Variants in SPAG9 observed in about 807,000 individuals in gnomAD.
SPAG9 encodes the protein sperm associated antigen 9, also known as C-Jun-amino-terminal kinase-interacting protein 4.
In SPAG9, 35 loss-of-function variants were observed where a neutral mutation model predicts 166.5. That is an observed-to-expected ratio of 0.21 (90% CI 0.16 to 0.28). The LOEUF (loss-of-function observed/expected upper bound fraction) is 0.28. Among genes scored for constraint, SPAG9 ranks in the 10% least tolerant of loss-of-function variants. The probability of loss-of-function intolerance (pLI) is 1.00; values close to 1 mark genes in which losing one functional copy is unlikely to be tolerated. For synonymous variants in SPAG9, 534 were observed against 565.5 expected, an observed-to-expected ratio of 0.94 and a Z score of 0.79; for missense variants, 1,235 against 1,603.3, an observed-to-expected ratio of 0.77 and a Z score of 3.92.
At chr17:51,065,771 A>G (rs1395512699) in intron 2 of SPAG9, among the ~76,000 whole-genome samples, 1 of 152,154 alleles carries the variant, frequency 6.6e-6, no homozygotes, top group Non-Finnish European at 1.5e-5. Context: ...AGTAAAAGTG[A>G]TGTGTGCTAC....
chr17:51,109,885 T>C (rs1270666534), intron 1 of SPAG9, among the ~76,000 whole-genome samples: 1 of 152,004 alleles, frequency 6.6e-6, no homozygotes, highest in African/African-American at 2.4e-5. Context: ...CTAATTTTTA[T>C]ATTTTTTGTA....
At chr17:51,012,719 ATACT>A (rs1271264642) in intron 9 of SPAG9, among the ~76,000 whole-genome samples, 2 of 144,172 alleles carry the variant, frequency 1.4e-5, no homozygotes, top group African/African-American at 5.4e-5. Context: ...CTCTTACTAG[ATACT>A]TTATTTATTT....
Position 51,033,543 on chromosome 17 carries a change from G to T in SPAG9, c.742-1821C>A, listed in dbSNP as rs115393508. 1.2e-3 allele frequency among the ~76,000 whole-genome samples: 185 copies of T among 152,248 alleles called. 1 individual carries two copies. The highest frequency in any genetic ancestry group is 4.3e-3 in the African/African-American group (177 of 41,556). ...AATTAATATAATTTTTTAGACACAGGATCTTGCGATATTGCCCAGGCTGAA... is the reference window on the plus strand; with the variant it reads ...AATTAATATAATTTTTTAGACACAGTATCTTGCGATATTGCCCAGGCTGAA... On this transcript the variant is annotated intron_variant, in intron 5 of 29. Coordinates refer to ENST00000262013, the MANE Select transcript of SPAG9 (RefSeq NM_001130528.3).
rs991169803 is a variant in SPAG9 at position 50,974,651 on chromosome 17, G to A, written c.3700+120C>T. On this transcript the variant is annotated intron_variant, in intron 28 of 29. Transcript: ENST00000262013. ...ACACCTCCATTACAGAACTTCCTTC[G>A]TATATATTGAAATTACCTGCAATTC... 18 of 808,610 alleles carry A rather than the reference G, an allele frequency of 2.2e-5. 1 individual carries two copies. Among genetic ancestry groups the A allele is most frequent in the East Asian group, 6.1e-5 (2 of 32,628 alleles). The allele number at this position is 808,610 out of a possible 1,614,324, so 50.1% of individuals were successfully genotyped here. A position where few individuals can be genotyped will look rare whatever the true frequency, so the allele number is the denominator to read the frequency against.
intron 2 of SPAG9, among the ~76,000 whole-genome samples, chr17:51,061,520 G>T (rs575208928): frequency 2.9e-5 from 4 of 137,598 alleles, no homozygotes; most frequent in African/African-American, 1.1e-4. Context: ...TGAGGCAGGA[G>T]AATCACTTTA....
intron 10 of SPAG9, 98 bp downstream of exon 10, chr17:51,007,171 G>C (rs906759835): frequency 1.4e-5 from 9 of 640,274 alleles, no homozygotes; most frequent in Middle Eastern, 2.8e-4. Flanking sequence ...AGATGGGACA[G>C]GGAGATTCCA....
chr17:50,976,990 A>G (rs2087124178), intron 27 of SPAG9, 118 bp downstream of exon 27: 2 of 652,728 alleles, frequency 3.1e-6, no homozygotes. Flanking sequence ...TGAAGTAACT[A>G]TAGCTAGATC....
intron 1 of SPAG9, among the ~76,000 whole-genome samples, chr17:51,089,523 C>G (rs981293193): frequency 8.8e-5 from 13 of 147,770 alleles, no homozygotes; most frequent in Non-Finnish European, 1.5e-4. Context: ...CCAAAAACTA[C>G]CTGTTCCCCA....
chr17:51,104,598 T>C (rs1053678565), intron 1 of SPAG9, among the ~76,000 whole-genome samples: 1 of 151,944 alleles, frequency 6.6e-6, no homozygotes, highest in African/African-American at 2.4e-5. Flanking sequence ...TTCACACCAT[T>C]GCACTCCAGC....
chr17:51,081,266 C>A (rs1406172995), intron 1 of SPAG9, among the ~76,000 whole-genome samples: 1 of 152,140 alleles, frequency 6.6e-6, no homozygotes. Flanking sequence ...GCCTGTCCAA[C>A]ATGGTGAAAT....
rs933457008 is a variant in SPAG9, at chr17:50,963,764, G to A, written c.*2508C>T. 1.3e-5 allele frequency: 2 copies of A among 152,108 alleles called. No individual in the cohort carries two copies. The highest frequency in any genetic ancestry group is 1.3e-4 in the Admixed American group (2 of 15,268). 9.4% of individuals were successfully genotyped at this position (152,108 alleles called of 1,614,324 possible). A position where few individuals can be genotyped will look rare whatever the true frequency, so the allele number is the denominator to read the frequency against. ...CCAAACACTTTGGTGTCTCTTTCTT[G>A]TGAATCTATACAACATTTCCAATAA... On this transcript the variant is annotated 3_prime_UTR_variant, in exon 30 of 30. Coordinates refer to ENST00000262013, the MANE Select transcript of SPAG9 (RefSeq NM_001130528.3).
intron 5 of SPAG9, among the ~76,000 whole-genome samples, chr17:51,037,955 C>T (rs1291966861): frequency 2.0e-5 from 3 of 151,862 alleles, no homozygotes; most frequent in African/African-American, 4.8e-5. Flanking sequence ...AGAAGTCCCC[C>T]GGTACGAAAT....
chr17:50,964,805 T>A lies in SPAG9; in HGVS notation c.*1467A>T. The A allele has an allele frequency of 2.4e-6, 1 of 418,002 alleles. No homozygotes were observed. The highest frequency in any genetic ancestry group is 4.8e-6 in the Non-Finnish European group (1 of 207,340). The allele number at this position is 418,002 out of a possible 1,614,324, so 25.9% of individuals were successfully genotyped here. Reference sequence around the variant, plus strand: ...TCTTGCTCCGTCACCCAGGCTGGAGTGCAGTGGTGCTATCAAGGCTCACTG... The same window carrying A: ...TCTTGCTCCGTCACCCAGGCTGGAGAGCAGTGGTGCTATCAAGGCTCACTG... On this transcript the variant is annotated 3_prime_UTR_variant, in exon 30 of 30. Coordinates refer to ENST00000262013, the MANE Select transcript of SPAG9 (RefSeq NM_001130528.3).
intron 4 of SPAG9, among the ~76,000 whole-genome samples, chr17:51,046,104 G>A (rs759706651): frequency 5.3e-5 from 8 of 152,146 alleles, no homozygotes; most frequent in South Asian, 2.1e-4. Context: ...ATAAGCTTAC[G>A]GCCTGTATCT....
intron 29 of SPAG9, among the ~76,000 whole-genome samples, chr17:50,969,069 A>G (rs1047292870): frequency 6.6e-6 from 1 of 151,944 alleles, no homozygotes; most frequent in African/African-American, 2.4e-5. Flanking sequence ...AATAGCTGGG[A>G]TTACAGGTAC....
intron 9 of SPAG9, among the ~76,000 whole-genome samples, chr17:51,009,681 A>G (rs903830233): frequency 2.0e-5 from 3 of 152,234 alleles, no homozygotes; most frequent in Non-Finnish European, 4.4e-5. Flanking sequence ...TATCATTAAA[A>G]GATTAACTGG....
intron 1 of SPAG9, among the ~76,000 whole-genome samples, chr17:51,080,886 CA>C (rs200436430): frequency 1.8e-3 from 120 of 67,828 alleles, no homozygotes; most frequent in Middle Eastern, 9.3e-3. Context: ...GACTCTATCT[CA>C]AAAAAAAAAA....
chr17:51,046,526 C>T lies in SPAG9; in HGVS notation c.590+849G>A, dbSNP rs180687787. On this transcript the variant is annotated intron_variant, in intron 4 of 29. Transcript: ENST00000262013. ...TGAGTATCCTTGGTAGGTTCTGCGTCAGAGCTGGCACACCGGTAGAAATAG... is the reference window on the plus strand; with the variant it reads ...TGAGTATCCTTGGTAGGTTCTGCGTTAGAGCTGGCACACCGGTAGAAATAG... 6.1e-4 allele frequency: 941 copies of T among 1,536,128 alleles called. 1 individual carries two copies. The highest frequency in any genetic ancestry group is 8.6e-4 in the Admixed American group (44 of 50,968).
At chr17:51,015,888 A>C (rs1215761901) in intron 8 of SPAG9, among the ~76,000 whole-genome samples, 1 of 152,070 alleles carries the variant, frequency 6.6e-6, no homozygotes, top group Non-Finnish European at 1.5e-5. Context: ...AAAGAGATAA[A>C]ATTTCCCAGG....
Sources: allele counts gnomAD v4.1 joint callset (sites outside exome capture counted in the v4.1 genomes callset), GRCh38; gene constraint gnomAD v4.1.1; transcripts MANE v1.5; gene names NCBI Gene and HGNC (gene_info 2026-07-23, HGNC 2026-07-21).